Variants in POM121C observed in about 807,000 individuals in gnomAD.
POM121C encodes POM121 transmembrane nucleoporin C, also known as nuclear envelope pore membrane protein POM 121C.
A neutral mutation model predicts 66.4 loss-of-function variants in POM121C; 20 were observed. That is an observed-to-expected ratio of 0.30 (90% CI 0.21 to 0.44). POM121C has a LOEUF of 0.44. Among genes scored for constraint, POM121C ranks in the 20% least tolerant of loss-of-function variants. The pLI is 1.00. For synonymous variants in POM121C, 286 were observed against 528.0 expected, an observed-to-expected ratio of 0.54 and a Z score of 6.28; for missense variants, 580 against 1,225.7, an observed-to-expected ratio of 0.47 and a Z score of 7.87.
rs1792299075 is a variant in POM121C, at chr7:75,481,218, T to A, written c.-458+4646A>T. On this transcript the variant is annotated intron_variant, in intron 1 of 14. Transcript: ENST00000615331. ...AAATAAAATGCTAAATAGAAAATAA[T>A]GCTATCAAATATATATGTATATATT... is the stretch of plus-strand genomic sequence containing the variant. Among the ~76,000 whole-genome samples the A allele has an allele frequency of 6.6e-5, 10 of 150,820 alleles. No individual in the cohort carries two copies. The South Asian group carries it at 2.1e-3, about 31-fold the overall frequency.
chr7:75,468,313 CTTTTTTTTT>C (rs59483137), intron 3 of POM121C, among the ~76,000 whole-genome samples: 1 of 89,726 alleles, frequency 1.1e-5, no homozygotes, highest in Non-Finnish European at 2.1e-5. Flanking sequence ...AAGACTCCAG[CTTTTTTTTT>C]TTTTTTTTTT....
intron 1 of POM121C, 133 bp downstream of exon 1, chr7:75,485,731 T>C (rs1554480793): frequency 2.6e-6 from 1 of 381,658 alleles, no homozygotes; most frequent in East Asian, 7.7e-5. Flanking sequence ...AGCCGGACCC[T>C]GCCCTCAAAC....
At chr7:75,430,129 T>C (rs1328829283) in intron 7 of POM121C, among the ~76,000 whole-genome samples, 1 of 152,208 alleles carries the variant, frequency 6.6e-6, no homozygotes, top group South Asian at 2.1e-4. Context: ...TCCCAATCAG[T>C]ATCTCAAAAC....
chr7:75,466,570 A>C (rs587709545), intron 3 of POM121C, among the ~76,000 whole-genome samples: 153 of 152,132 alleles, frequency 1.0e-3, no homozygotes, highest in African/African-American at 3.4e-3. Flanking sequence ...GTGCCACTGC[A>C]CTCCAGCCTG....
intron 3 of POM121C, among the ~76,000 whole-genome samples, chr7:75,465,615 T>C (rs1791607375): frequency 6.6e-6 from 1 of 151,496 alleles, no homozygotes; most frequent in South Asian, 2.1e-4. Context: ...TAGCCGGGCA[T>C]GGTGGCAGGC....
rs149973609 is a variant in POM121C at position 75,421,379 on chromosome 7, C to T, written c.2743+130G>A. On this transcript the variant is annotated intron_variant, in intron 13 of 14. Coordinates refer to ENST00000615331, the MANE Select transcript of POM121C (RefSeq NM_001099415.3). ...TAGCAAAACATGTATCATGCCCTGGCATCTCACTGAGTTCTATATTCAGTG... is the reference window on the plus strand; with the variant it reads ...TAGCAAAACATGTATCATGCCCTGGTATCTCACTGAGTTCTATATTCAGTG... 1.2e-3 allele frequency: 1,868 copies of T among 1,497,436 alleles called. 16 individuals carry two copies. The East Asian group carries it at 0.022, about 18-fold the overall frequency. 92.8% of individuals were successfully genotyped at this position (1,497,436 alleles called of 1,614,324 possible).
At chr7:75,453,576 C>G (rs1295855069) in intron 3 of POM121C, among the ~76,000 whole-genome samples, 3 of 145,486 alleles carry the variant, frequency 2.1e-5, no homozygotes, top group Non-Finnish European at 4.5e-5. Context: ...GAGCAAAACT[C>G]GGACTCAAAA....
rs1323230734 is a variant in POM121C, at chr7:75,460,280, CTCAGGAGT to C, written c.-152+14416_-152+14423del. Among the ~76,000 whole-genome samples the C allele has an allele frequency of 1.4e-3, 211 of 147,080 alleles. 1 individual carries two copies. The highest frequency in any genetic ancestry group is 5.3e-3 in the African/African-American group (199 of 37,308). On this transcript the variant is annotated intron_variant, in intron 3 of 14. Transcript: ENST00000615331. ...GCCGAGGCGGAGGGAATCACTTGAG[CTCAGGAGT>C]TTGAGACCAGCCTGGGCATGATAGC... is the stretch of plus-strand genomic sequence containing the variant.
chr7:75,453,618 A>G (rs2116455303), intron 3 of POM121C, among the ~76,000 whole-genome samples: 1 of 151,732 alleles, frequency 6.6e-6, no homozygotes, highest in South Asian at 2.1e-4. Context: ...TCATTCCTTA[A>G]TGAGTATAAA....
At chr7:75,435,938 C>A (rs587758257) in intron 7 of POM121C, among the ~76,000 whole-genome samples, 1 of 152,106 alleles carries the variant, frequency 6.6e-6, no homozygotes, top group South Asian at 2.1e-4. Flanking sequence ...GTAATCCCAG[C>A]TACTTGGGAG....
Position 75,455,726 on chromosome 7 carries a change from C to T in POM121C, c.-151-14079G>A, listed in dbSNP as rs587707467. On this transcript the variant is annotated intron_variant, in intron 3 of 14. Transcript: ENST00000615331. ...GCCCGTGTCTATTTTCATTACATTC[C>T]TATCAGTTTACTGCACTGTGCTGCG... is the stretch of plus-strand genomic sequence containing the variant. Among the ~76,000 whole-genome samples the T allele has an allele frequency of 3.5e-4, 54 of 152,240 alleles. No individual in the cohort carries two copies. The South Asian group carries it at 4.4e-3, about 12-fold the overall frequency.
At chr7:75,452,457 A>G (rs1791052825) in intron 3 of POM121C, among the ~76,000 whole-genome samples, 1 of 152,208 alleles carries the variant, frequency 6.6e-6, no homozygotes, top group African/African-American at 2.4e-5. Context: ...CTCAAAAACA[A>G]ACAAAAAAAC....
chr7:75,421,901 A>G lies in POM121C; in HGVS notation c.2351T>C (p.Phe784Ser). ...AFGLKATASA[F>S]GAPASSQPAF... Reference sequence around the variant, plus strand: ...GGGCTGTGAGCTGGCGGGAGCGCCGAAGGCGGAAGCCGTGGCTTTCAATCC... The same window carrying G: ...GGGCTGTGAGCTGGCGGGAGCGCCGGAGGCGGAAGCCGTGGCTTTCAATCC... The change falls in exon 13 of 15, where the codon TTC becomes TCC. Residue 784 changes from phenylalanine (F) to serine (S), a missense_variant. Transcript: ENST00000615331. 6.2e-7 allele frequency: 1 copy of G among 1,612,700 alleles called. No individual in the cohort carries two copies. The highest frequency in any genetic ancestry group is 8.5e-7 in the Non-Finnish European group (1 of 1,179,668).
At chr7:75,472,026 C>T (rs1791899039) in intron 3 of POM121C, among the ~76,000 whole-genome samples, 1 of 151,868 alleles carries the variant, frequency 6.6e-6, no homozygotes, top group African/African-American at 2.4e-5. Context: ...GCTGGGACTG[C>T]AGGCGCCCAC....
chr7:75,465,013 GGAT>G (rs1297511556), intron 3 of POM121C, among the ~76,000 whole-genome samples: 1 of 134,390 alleles, frequency 7.4e-6, no homozygotes, highest in Non-Finnish European at 1.6e-5. Flanking sequence ...TTTTTTTTTT[GGAT>G]GGAGTTTCAC....
At chr7:75,463,708 T>C (rs1791526690) in intron 3 of POM121C, among the ~76,000 whole-genome samples, 1 of 152,110 alleles carries the variant, frequency 6.6e-6, no homozygotes, top group Admixed American at 6.5e-5. Flanking sequence ...ATTTCCTTTT[T>C]TGAGACGGAG....
intron 3 of POM121C, among the ~76,000 whole-genome samples, chr7:75,458,470 G>T (rs1161665788): frequency 6.6e-6 from 1 of 151,444 alleles, no homozygotes; most frequent in Non-Finnish European, 1.5e-5. Context: ...TACAGCTGCA[G>T]TGAGCTATGA....
At chr7:75,442,250 G>A (rs781822594) in intron 3 of POM121C, 31 of 1,427,186 alleles carry the variant, frequency 2.2e-5, no homozygotes, top group Middle Eastern at 2.5e-4. Flanking sequence ...GCGCGGCGCC[G>A]GGCGGGCGGG....
At chr7:75,460,396 G>C (rs1374683323) in intron 3 of POM121C, among the ~76,000 whole-genome samples, 1 of 152,016 alleles carries the variant, frequency 6.6e-6, no homozygotes, top group Non-Finnish European at 1.5e-5. Flanking sequence ...CAGCTACTCG[G>C]GAGGCTGAGG....
Sources: gnomAD v4.1 joint callset for allele counts (sites outside exome capture counted in the v4.1 genomes callset) on GRCh38, gnomAD v4.1.1 for gene constraint, MANE v1.5 for transcripts, NCBI Gene and HGNC (gene_info 2026-07-23, HGNC 2026-07-21) for gene names.